ZMYND11: variants seen among roughly 807,000 people sequenced by gnomAD.
ZMYND11 encodes zinc finger MYND-type containing 11, also known as zinc finger MYND domain-containing protein 11.
ZMYND11 carries 9 observed loss-of-function variants against 84.9 expected under a neutral mutation model. That is an observed-to-expected ratio of 0.11 (90% CI 0.06 to 0.18). The LOEUF is 0.18. Among genes scored for constraint, ZMYND11 ranks in the 10% least tolerant of loss-of-function variants. The pLI, the probability that ZMYND11 is intolerant of heterozygous loss-of-function variation, is 1.00. For synonymous variants in ZMYND11, 250 were observed against 244.1 expected (o/e 1.02, Z -0.23); for missense variants, 409 against 761.0 (o/e 0.54, Z 5.44).
intron 1 of ZMYND11, among the ~76,000 whole-genome samples, chr10:158,253 C>T (rs551493243): frequency 1.3e-5 from 2 of 152,140 alleles, no homozygotes; most frequent in African/African-American, 4.8e-5. Flanking sequence ...AGTGGAATTG[C>T]TGGGTCATTT....
intron 6 of ZMYND11, among the ~76,000 whole-genome samples, chr10:238,103 AATTATG>A (rs1950274539): frequency 6.6e-6 from 1 of 152,268 alleles, no homozygotes; most frequent in African/African-American, 2.4e-5. Context: ...GAACAAAAAA[AATTATG>A]ATTAGAAAAG....
chr10:193,036 T>A (rs947635951), intron 2 of ZMYND11, among the ~76,000 whole-genome samples: 6 of 152,242 alleles, frequency 3.9e-5, no homozygotes, highest in Admixed American at 1.3e-4. Context: ...AATTTTAAGT[T>A]TTGAAATGAT....
At chr10:214,282 G>T (rs1042589456) in intron 3 of ZMYND11, among the ~76,000 whole-genome samples, 3 of 152,150 alleles carry the variant, frequency 2.0e-5, no homozygotes, top group African/African-American at 7.2e-5. Flanking sequence ...TAAATGGTTT[G>T]CTCAAATATT....
In ZMYND11 at chr10:196,052, ACAGT is replaced by A. The variant is rs962935507; in HGVS notation, c.117-13833_117-13830del. On this transcript the variant is annotated intron_variant, in intron 2 of 14. Coordinates refer to ENST00000381604, the MANE Select transcript of ZMYND11 (RefSeq NM_001370100.5). ...TTCCCTGATGACGTATATCTCAATC[ACAGT>A]CAGGTCTATTGATGACCCATTCCAC... Among the ~76,000 whole-genome samples the A allele has an allele frequency of 3.7e-4, 57 of 152,172 alleles. 1 individual carries two copies. The highest frequency in any genetic ancestry group is 8.8e-5 in the Non-Finnish European group (6 of 68,036).
At chr10:230,125 C>A (rs749198585) in intron 4 of ZMYND11, among the ~76,000 whole-genome samples, 66 of 151,724 alleles carry the variant, frequency 4.4e-4, no homozygotes, top group Non-Finnish European at 8.1e-4. Flanking sequence ...ATTAGTATTT[C>A]TCCAAATAAG....
intron 4 of ZMYND11, among the ~76,000 whole-genome samples, chr10:224,992 G>T (rs1947846621): frequency 6.6e-6 from 1 of 152,024 alleles, no homozygotes; most frequent in South Asian, 2.1e-4. Flanking sequence ...AAATAGCCAT[G>T]AATTTTCCAG....
intron 1 of ZMYND11, among the ~76,000 whole-genome samples, chr10:154,108 T>C (rs927152066): frequency 6.6e-6 from 1 of 152,254 alleles, no homozygotes; most frequent in Non-Finnish European, 1.5e-5. Context: ...TTAGCCACTT[T>C]TCTATAACTT....
intron 2 of ZMYND11, among the ~76,000 whole-genome samples, chr10:201,600 A>ACACACACACACACACACACACACACC: frequency 6.7e-6 from 1 of 150,260 alleles, no homozygotes; most frequent in South Asian, 2.2e-4. Flanking sequence ...ACACACACAC[A>ACACACACACACACACACACACACACC]CACACATTAT....
intron 1 of ZMYND11, among the ~76,000 whole-genome samples, chr10:162,702 TA>T (rs1409645939): frequency 2.0e-4 from 30 of 152,190 alleles, no homozygotes; most frequent in Admixed American, 3.9e-4. Flanking sequence ...AATGATACAT[TA>T]AAAAATATGC....
intron 1 of ZMYND11, among the ~76,000 whole-genome samples, chr10:167,909 C>T (rs1397806715): frequency 6.6e-6 from 1 of 152,084 alleles, no homozygotes; most frequent in African/African-American, 2.4e-5. Flanking sequence ...GTGCAATTCT[C>T]ACCATCATCC....
chr10:193,004 A>G (rs959792709), intron 2 of ZMYND11, among the ~76,000 whole-genome samples: 4 of 151,992 alleles, frequency 2.6e-5, no homozygotes, highest in Non-Finnish European at 5.9e-5. Context: ...AACTTTTTCC[A>G]TAGTTTTATT....
At chr10:151,893 A>C (rs549258608) in intron 1 of ZMYND11, among the ~76,000 whole-genome samples, 1 of 152,358 alleles carries the variant, frequency 6.6e-6, no homozygotes, top group East Asian at 1.9e-4. Flanking sequence ...AAGCCAGAAG[A>C]GAGTGGGGAC....
At chr10:138,148 C>T (rs868987118) in intron 1 of ZMYND11, among the ~76,000 whole-genome samples, 31 of 132,298 alleles carry the variant, frequency 2.3e-4, no homozygotes, top group African/African-American at 8.1e-4. Flanking sequence ...CTTGCTCTGT[C>T]GCTCAGGCTG....
Position 246,911 on chromosome 10 carries a change from A to G in ZMYND11, c.1096A>G (p.Lys366Glu). 6.2e-7 allele frequency: 1 copy of G among 1,613,376 alleles called. No individual in the cohort carries two copies. Among genetic ancestry groups the G allele is most frequent in the Non-Finnish European group, 8.5e-7 (1 of 1,179,728 alleles). Residue 366 changes from lysine to glutamate, a missense_variant, in exon 11 of 15, where the codon AAG becomes GAG. Physicochemically the swap from Lys to Glu is moderately conservative, Grantham distance 56. Transcript: ENST00000381604. ...ACGAGAAGGGAGATTTTGGAAATCT[A>G]AGAATGAGGACCGAGGTGAGGAAGA... ...FLREGRFWKS[K>E]NEDRGEEEAE...
intron 1 of ZMYND11, among the ~76,000 whole-genome samples, chr10:165,405 A>T (rs1379794011): frequency 6.6e-6 from 1 of 152,082 alleles, no homozygotes; most frequent in Non-Finnish European, 1.5e-5. Flanking sequence ...TTCAGTTACC[A>T]TGCTTAGGTG....
chr10:183,434 A>G (rs528546602), intron 2 of ZMYND11, among the ~76,000 whole-genome samples: 4 of 152,134 alleles, frequency 2.6e-5, no homozygotes, highest in African/African-American at 9.7e-5. Flanking sequence ...ATCAGGACAC[A>G]CATGATGTCA....
At chr10:233,782 A>G (rs1362417173) in intron 4 of ZMYND11, among the ~76,000 whole-genome samples, 1 of 152,210 alleles carries the variant, frequency 6.6e-6, no homozygotes, top group East Asian at 1.9e-4. Flanking sequence ...ATCCTCTATT[A>G]TACCATTTAG....
chr10:193,475 A>ACATT (rs1482512955), intron 2 of ZMYND11, among the ~76,000 whole-genome samples: 4 of 152,214 alleles, frequency 2.6e-5, no homozygotes, highest in Non-Finnish European at 5.9e-5. Flanking sequence ...CTGGCATGTG[A>ACATT]CATTCACTCA....
At chr10:174,343 G>A (rs1554766409) in intron 1 of ZMYND11, among the ~76,000 whole-genome samples, 2 of 152,202 alleles carry the variant, frequency 1.3e-5, no homozygotes, top group East Asian at 3.8e-4. Context: ...TCTTGGAAAA[G>A]GCAAAACTGT....
Sources: gnomAD v4.1 joint callset for allele counts (sites outside exome capture counted in the v4.1 genomes callset) on GRCh38, gnomAD v4.1.1 for gene constraint, MANE v1.5 for transcripts, NCBI Gene and HGNC (gene_info 2026-07-23, HGNC 2026-07-21) for gene names.